ELP6: variants seen among roughly 807,000 people sequenced by gnomAD.
ELP6 encodes elongator acetyltransferase complex subunit 6, also known as elongator complex protein 6.
A neutral mutation model predicts 28.1 loss-of-function variants in ELP6; 23 were observed. That is an observed-to-expected ratio of 0.82 (90% CI 0.59 to 1.16). ELP6 has a LOEUF of 1.16. Ranked by LOEUF, ELP6 falls within the 50% of genes most tolerant of loss-of-function variation. The pLI, the probability that ELP6 is intolerant of heterozygous loss-of-function variation, is 0.00. For synonymous variants in ELP6, 132 were observed against 135.8 expected, an observed-to-expected ratio of 0.97 and a Z score of 0.19; for missense variants, 313 against 334.6, an observed-to-expected ratio of 0.94 and a Z score of 0.50.
chr3:47,496,510 T>C, intron 6 of ELP6: 1 of 979,472 alleles, frequency 1.0e-6, no homozygotes, highest in Non-Finnish European at 1.2e-6. Context: ...TTTTTTTTTT[T>C]TTTGAAGCAG....
chr3:47,511,074 TTAAA>T (rs1216876436), intron 2 of ELP6, 70 bp downstream of exon 2: 52 of 1,306,768 alleles, frequency 4.0e-5, no homozygotes, highest in Non-Finnish European at 5.5e-5. Flanking sequence ...TATTGCTTCC[TTAAA>T]TAGTTTTGGT....
chr3:47,499,929 G>A lies in ELP6; in HGVS notation c.526-1497C>T, dbSNP rs1371437268. 15 of 1,346,438 alleles carry A rather than the reference G, an allele frequency of 1.1e-5. No homozygotes were observed. The Admixed American group carries it at 1.2e-4, about 11-fold the overall frequency. The allele number at this position is 1,346,438 out of a possible 1,614,324, so 83.4% of individuals were successfully genotyped here. A position where few individuals can be genotyped will look rare whatever the true frequency, so the allele number is the denominator to read the frequency against. ...GTGGAGGACGTGACCCTCAACCGTC[G>A]TGCCTGCAGCTTCCGAGTCCTGGTG... On this transcript the variant is annotated intron_variant, in intron 5 of 6. Coordinates refer to ENST00000296149, the MANE Select transcript of ELP6 (RefSeq NM_001031703.3).
intron 2 of ELP6, among the ~76,000 whole-genome samples, chr3:47,510,559 C>CT (rs1416907978): frequency 1.3e-5 from 2 of 152,268 alleles, no homozygotes; most frequent in Non-Finnish European, 1.5e-5. Context: ...GCCTAAACCT[C>CT]TCTGGCCTCA....
At chr3:47,512,810 T>A (rs1261702328) in intron 1 of ELP6, 1 of 951,700 alleles carries the variant, frequency 1.1e-6, no homozygotes, top group Non-Finnish European at 1.3e-6. Flanking sequence ...CGGGGCGAGG[T>A]GGCGGTTAGG....
intron 5 of ELP6, 38 bp from the exon 6 acceptor site, chr3:47,498,470 G>C (rs1368935956): frequency 1.2e-6 from 2 of 1,603,674 alleles, no homozygotes; most frequent in African/African-American, 2.7e-5. Flanking sequence ...CTCCTTACTG[G>C]AAAGGACACC....
In ELP6 at chr3:47,503,908, A is replaced by C. The variant is rs185286078; in HGVS notation, c.323+422T>G. Among the ~76,000 whole-genome samples the C allele has an allele frequency of 1.1e-3, 175 of 152,300 alleles. 3 individuals carry two copies. Among genetic ancestry groups the C allele is most frequent in the African/African-American group, 3.4e-3 (143 of 41,554 alleles). ...TCCATCTCAACAACAACAACAACAA[A>C]AAAAAGGAATTTTAAAAAAGACAAA... is the stretch of plus-strand genomic sequence containing the variant. On this transcript the variant is annotated intron_variant, in intron 4 of 6. Coordinates refer to ENST00000296149, the MANE Select transcript of ELP6 (RefSeq NM_001031703.3).
In ELP6 at chr3:47,513,596, G is replaced by A; in HGVS notation, c.-6C>T. 6.2e-7 allele frequency: 1 copy of A among 1,613,472 alleles called. No individual in the cohort carries two copies. The highest frequency in any genetic ancestry group is 8.5e-7 in the Non-Finnish European group (1 of 1,179,708). Reference sequence around the variant, plus strand: ...TTATTAAGTTCCACGAACATTCCGAGCTCCTGGGACTAGCGCTCTGGAGGA... The same window carrying A: ...TTATTAAGTTCCACGAACATTCCGAACTCCTGGGACTAGCGCTCTGGAGGA... On this transcript the variant is annotated 5_prime_UTR_variant, in exon 1 of 7. Transcript: ENST00000296149.
chr3:47,502,048 C>T (rs1559589004), intron 4 of ELP6, among the ~76,000 whole-genome samples, 197 bp from the exon 5 acceptor site: 1 of 152,108 alleles, frequency 6.6e-6, no homozygotes, highest in Non-Finnish European at 1.5e-5. Flanking sequence ...CTGAGGCCTA[C>T]TAGGTATAAA....
rs542051402 is a variant in ELP6, at chr3:47,501,742, C to T, written c.433G>A (p.Asp145Asn). ...CCCAGGCTCAGGAGCACACTGAGGT[C>T]GTCCACCAACAGCACCGGGTACGTC... Reference protein sequence around the residue: ...RWTYPVLLVDDLSVLLSLGMG... With the variant: ...RWTYPVLLVDNLSVLLSLGMG... The change falls in exon 5 of 7, where the codon GAC becomes AAC. Residue 145 changes from aspartate to asparagine, a missense_variant. By Grantham distance (23) the Asp-to-Asn change is conservative. Transcript: ENST00000296149. 37 of 1,613,992 alleles carry T rather than the reference C, an allele frequency of 2.3e-5. No individual in the cohort carries two copies. The East Asian group carries it at 2.5e-4, about 11-fold the overall frequency.
At chr3:47,505,507 C>T (rs903276621) in intron 3 of ELP6, among the ~76,000 whole-genome samples, 1 of 152,042 alleles carries the variant, frequency 6.6e-6, no homozygotes, top group African/African-American at 2.4e-5. Flanking sequence ...TAGGTTCAAG[C>T]GATTCTTGTG....
chr3:47,513,669 C>G lies in ELP6; in HGVS notation c.-79G>C, dbSNP rs1015184801. Reference sequence around the variant, plus strand: ...GACGGAGGCTGGAGAGCAAAACACACCCGACAGCCCGGCTCGCGCAAGGAA... The same window carrying G: ...GACGGAGGCTGGAGAGCAAAACACAGCCGACAGCCCGGCTCGCGCAAGGAA... On this transcript the variant is annotated 5_prime_UTR_variant, in exon 1 of 7. Transcript: ENST00000296149. 8 of 1,564,654 alleles carry G rather than the reference C, an allele frequency of 5.1e-6. No homozygotes were observed. The highest frequency in any genetic ancestry group is 1.8e-5 in the Admixed American group (1 of 55,008).
At chr3:47,503,170 C>G in intron 4 of ELP6, 1 of 1,148,696 alleles carries the variant, frequency 8.7e-7, no homozygotes, top group Admixed American at 4.2e-5. Flanking sequence ...TGAGGAAACC[C>G]CAAGTCAGAG....
At chr3:47,513,495 C>T in intron 1 of ELP6, 42 bp downstream of exon 1, 2 of 1,601,388 alleles carry the variant, frequency 1.2e-6, no homozygotes, top group Non-Finnish European at 1.7e-6. Context: ...ATTCCGCTGC[C>T]CTGCCAGGTC....
chr3:47,498,175 C>A (rs1408606546), intron 6 of ELP6, 111 bp downstream of exon 6: 1 of 1,472,964 alleles, frequency 6.8e-7, no homozygotes. Flanking sequence ...TTCCCTTCCA[C>A]CTGAAGTCAT....
chr3:47,510,270 A>G lies in ELP6; in HGVS notation c.134-16T>C, dbSNP rs1708977168. The stretch of plus-strand genomic sequence containing the variant: ...TTACAATTAGCTAGAAAACAAAACA[A>G]TTATTTTAAATAAATCCTCTGGTTA... On this transcript the variant is annotated splice_polypyrimidine_tract_variant and intron_variant, in intron 2 of 6. Transcript: ENST00000296149. 6.2e-7 allele frequency: 1 copy of G among 1,605,406 alleles called. No homozygotes were observed. Among genetic ancestry groups the G allele is most frequent in the East Asian group, 2.2e-5 (1 of 44,830 alleles).
At position 47,513,680 on chromosome 3, in the gene ELP6, G is replaced by A. The variant is rs961283893; in HGVS notation, c.-90C>T. 1.2e-5 allele frequency: 18 copies of A among 1,541,762 alleles called. No individual in the cohort carries two copies. The highest frequency in any genetic ancestry group is 1.4e-5 in the Non-Finnish European group (16 of 1,129,964). On this transcript the variant is annotated 5_prime_UTR_variant, in exon 1 of 7. Transcript: ENST00000296149. ...GAGAGCAAAACACACCCGACAGCCC[G>A]GCTCGCGCAAGGAAGCGCGCATGCG... is the stretch of plus-strand genomic sequence containing the variant.
At chr3:47,512,737 T>C (rs893902430) in intron 1 of ELP6, 2 of 971,198 alleles carry the variant, frequency 2.1e-6, no homozygotes, top group Non-Finnish European at 2.4e-6. Flanking sequence ...ACAGTTCTAT[T>C]AGAGATCACA....
chr3:47,501,940 G>T (rs921413932), intron 4 of ELP6, 89 bp from the exon 5 acceptor site: 2 of 1,240,442 alleles, frequency 1.6e-6, no homozygotes, highest in East Asian at 2.5e-5. Context: ...AGGGCTAAGG[G>T]GGACAAAGAA....
At chr3:47,512,176 G>C (rs1709034061) in intron 1 of ELP6, 2 of 504,602 alleles carry the variant, frequency 4.0e-6, no homozygotes, top group Non-Finnish European at 2.6e-6. Context: ...TCATAAAAAG[G>C]CTTTAGACAC....
Sources: allele counts gnomAD v4.1 joint callset (sites outside exome capture counted in the v4.1 genomes callset), GRCh38; gene constraint gnomAD v4.1.1; transcripts MANE v1.5; gene names NCBI Gene and HGNC (gene_info 2026-07-23, HGNC 2026-07-21).